CHMP4C: variants seen among roughly 807,000 people sequenced by gnomAD.
CHMP4C encodes SNF7 homolog associated with Alix 3.
CHMP4C carries 28 observed loss-of-function variants against 29.0 expected under a neutral mutation model. That is an observed-to-expected ratio of 0.97 (90% CI 0.72 to 1.32). CHMP4C has a LOEUF of 1.32. CHMP4C is among the 40% of genes most tolerant of loss of function. The pLI is 0.00. For missense variants in CHMP4C, 291 were observed against 281.0 expected, an observed-to-expected ratio of 1.04 and a Z score of -0.25; for synonymous variants, 106 against 102.4, an observed-to-expected ratio of 1.04 and a Z score of -0.21.
chr8:81,757,366 C>T (rs115282408), intron 3 of CHMP4C, among the ~76,000 whole-genome samples: 3,622 of 152,246 alleles, frequency 0.024, 140 homozygotes, highest in African/African-American at 0.082. Context: ...CCTCATAATT[C>T]CATCAATGAC....
chr8:81,736,867 T>C (rs1228706130), intron 1 of CHMP4C, among the ~76,000 whole-genome samples: 2 of 152,238 alleles, frequency 1.3e-5, no homozygotes, highest in Non-Finnish European at 2.9e-5. Context: ...TTGCTTTCAT[T>C]ACAACTCATT....
At chr8:81,735,156 A>T (rs1236796982) in intron 1 of CHMP4C, among the ~76,000 whole-genome samples, 5 of 152,136 alleles carry the variant, frequency 3.3e-5, no homozygotes, top group Admixed American at 2.0e-4. Flanking sequence ...AGTCTCCCAA[A>T]GTGCTGGGAT....
intron 1 of CHMP4C, among the ~76,000 whole-genome samples, chr8:81,747,719 CATCACACGTTGGTAGG>C (rs2130487109): frequency 6.6e-6 from 1 of 152,178 alleles, no homozygotes; most frequent in Non-Finnish European, 1.5e-5. Flanking sequence ...CCAGGGGAGA[CATCACACGTTGGTAGG>C]ATAGGTGTGG....
At chr8:81,742,737 G>C (rs890806914) in intron 1 of CHMP4C, among the ~76,000 whole-genome samples, 4 of 151,852 alleles carry the variant, frequency 2.6e-5, no homozygotes. Context: ...ATATAACCTT[G>C]GAGTTTGAAC....
intron 1 of CHMP4C, among the ~76,000 whole-genome samples, chr8:81,747,936 G>T (rs541252763): frequency 1.3e-5 from 2 of 152,094 alleles, no homozygotes; most frequent in African/African-American, 2.4e-5. Context: ...AATTTATTAG[G>T]CAGGAATTTC....
chr8:81,735,815 G>A (rs985006619), intron 1 of CHMP4C, among the ~76,000 whole-genome samples: 9 of 152,020 alleles, frequency 5.9e-5, no homozygotes, highest in Non-Finnish European at 4.4e-5. Context: ...GGCAGGACAT[G>A]GTGGCTCATT....
chr8:81,736,115 ATAAATAAATAAAT>A lies in CHMP4C; in HGVS notation c.190+3300_190+3312del, dbSNP rs1808687371. On this transcript the variant is annotated intron_variant, in intron 1 of 4. Transcript: ENST00000297265. ...AATAAATAAATAAATAAATAAATAA[ATAAATAAATAAAT>A]AAATAAATAAATGTTAGAAACGGGA... is the stretch of plus-strand genomic sequence containing the variant. 3.4e-5 allele frequency among the ~76,000 whole-genome samples: 5 copies of A among 145,700 alleles called. No individual in the cohort carries two copies. In the South Asian group the frequency reaches 1.1e-3, roughly 32 times the overall value.
intron 1 of CHMP4C, among the ~76,000 whole-genome samples, chr8:81,748,326 A>G (rs886174306): frequency 6.6e-6 from 1 of 152,204 alleles, no homozygotes; most frequent in Non-Finnish European, 1.5e-5. Context: ...CTGAGGCGAC[A>G]TACATCCTCC....
At chr8:81,736,005 G>C (rs545529191) in intron 1 of CHMP4C, among the ~76,000 whole-genome samples, 1 of 151,890 alleles carries the variant, frequency 6.6e-6, no homozygotes, top group Non-Finnish European at 1.5e-5. Flanking sequence ...ATAATTGCTT[G>C]AACCTGGGAG....
chr8:81,758,217 A>G lies in CHMP4C; in HGVS notation c.559A>G (p.Asn187Asp). 1.9e-6 allele frequency: 3 copies of G among 1,613,916 alleles called. No individual in the cohort carries two copies. The highest frequency in any genetic ancestry group is 4.5e-5 in the East Asian group (2 of 44,876). Residue 187 changes from asparagine (N) to aspartate (D), a missense_variant, in exon 4 of 5, where the codon AAT (asparagine) becomes GAT (aspartate). By Grantham distance (23) the Asn-to-Asp change is conservative (BLOSUM62 1). Transcript: ENST00000297265. ...NKKMTNIRLP[N>D]VPSSSLPAQP... ...GAAGATGACAAATATCCGCCTTCCA[A>G]ATGTGCCTTCCTCTTCTCTCCCAGC... is the stretch of plus-strand genomic sequence containing the variant.
chr8:81,749,572 C>T (rs112487299), intron 1 of CHMP4C, among the ~76,000 whole-genome samples: 15 of 152,150 alleles, frequency 9.9e-5, no homozygotes, highest in South Asian at 2.1e-4. Flanking sequence ...CCAGCAGATA[C>T]GGAAAAGCAA....
At chr8:81,753,364 T>G (rs752107156) in intron 2 of CHMP4C, 123 bp downstream of exon 2, 27 of 559,168 alleles carry the variant, frequency 4.8e-5, no homozygotes, top group Non-Finnish European at 7.5e-5. Flanking sequence ...ACATGTTGAA[T>G]AAAATACTGT....
At chr8:81,738,427 G>A (rs1359095254) in intron 1 of CHMP4C, among the ~76,000 whole-genome samples, 1 of 152,198 alleles carries the variant, frequency 6.6e-6, no homozygotes, top group Non-Finnish European at 1.5e-5. Context: ...TGAAGCCTGG[G>A]CTGTATTGGT....
chr8:81,750,381 G>C (rs1020688907), intron 1 of CHMP4C, among the ~76,000 whole-genome samples: 1 of 151,698 alleles, frequency 6.6e-6, no homozygotes, highest in African/African-American at 2.4e-5. Context: ...GAGTAGGATT[G>C]CTTGAGGCCA....
intron 1 of CHMP4C, among the ~76,000 whole-genome samples, chr8:81,735,373 G>T (rs1426904090): frequency 6.6e-6 from 1 of 152,092 alleles, no homozygotes; most frequent in Non-Finnish European, 1.5e-5. Flanking sequence ...TTGGTAACAC[G>T]CTCAATATCA....
intron 2 of CHMP4C, among the ~76,000 whole-genome samples, chr8:81,754,637 A>G (rs1808948306): frequency 6.6e-6 from 1 of 152,110 alleles, no homozygotes. Flanking sequence ...TTACTCAGAG[A>G]TAAGCTACTA....
chr8:81,750,896 C>T (rs1006214413), intron 1 of CHMP4C, among the ~76,000 whole-genome samples: 1 of 151,914 alleles, frequency 6.6e-6, no homozygotes, highest in African/African-American at 2.4e-5. Flanking sequence ...AGATACATAC[C>T]TAGATGCATA....
intron 1 of CHMP4C, among the ~76,000 whole-genome samples, chr8:81,742,811 G>T (rs1808778525): frequency 6.6e-6 from 1 of 152,016 alleles, no homozygotes; most frequent in African/African-American, 2.4e-5. Context: ...TATGATTATG[G>T]TCAACTAATT....
chr8:81,733,688 C>T (rs1389830324), intron 1 of CHMP4C, among the ~76,000 whole-genome samples: 1 of 152,196 alleles, frequency 6.6e-6, no homozygotes, highest in East Asian at 1.9e-4. Context: ...ACTGCTCCTT[C>T]TATTGGAATA....
Sources: allele counts gnomAD v4.1 joint callset (sites outside exome capture counted in the v4.1 genomes callset), GRCh38; gene constraint gnomAD v4.1.1; transcripts MANE v1.5; gene names NCBI Gene and HGNC (gene_info 2026-07-23, HGNC 2026-07-21).